Variants in TGM4 observed in about 807,000 individuals in gnomAD.
The protein encoded by TGM4 is protein-glutamine gamma-glutamyltransferase 4.
A neutral mutation model predicts 76.3 loss-of-function variants in TGM4; 61 were observed. The ratio of observed to expected loss-of-function variants is 0.80; its 90% CI spans 0.65 to 0.99. The LOEUF (loss-of-function observed/expected upper bound fraction) is 0.99. Ranked by LOEUF, TGM4 falls within the 50% of genes least tolerant of loss-of-function variation. The probability of loss-of-function intolerance (pLI) is 0.00; values close to 1 mark genes in which losing one functional copy is unlikely to be tolerated. For missense variants in TGM4, 794 were observed against 843.2 expected (o/e 0.94, Z 0.72); for synonymous variants, 337 against 329.8 (o/e 1.02, Z -0.24).
intron 1 of TGM4, among the ~76,000 whole-genome samples, chr3:44,877,363 G>A (rs1400824873): frequency 1.3e-5 from 2 of 152,112 alleles, no homozygotes; most frequent in Non-Finnish European, 2.9e-5. Context: ...CATGAGAATT[G>A]CTTGAACCTG....
At chr3:44,883,981 C>A (rs1019990568) in intron 1 of TGM4, among the ~76,000 whole-genome samples, 1 of 152,152 alleles carries the variant, frequency 6.6e-6, no homozygotes, top group South Asian at 2.1e-4. Context: ...CAGGCCACAG[C>A]GGGGCTTCCT....
chr3:44,891,512 T>TACACAC (rs9311363), intron 4 of TGM4, among the ~76,000 whole-genome samples: 4 of 148,020 alleles, frequency 2.7e-5, no homozygotes, highest in African/African-American at 7.5e-5. Context: ...CTCCCTCCTC[T>TACACAC]ACACACACAC....
intron 2 of TGM4, 75 bp from the exon 3 acceptor site, chr3:44,887,614 G>C: frequency 7.2e-7 from 1 of 1,392,494 alleles, no homozygotes; most frequent in Non-Finnish European, 9.9e-7. Context: ...TGGGCAGTAG[G>C]TGGGCCCGAA....
chr3:44,912,626 G>C (rs1038672700), intron 13 of TGM4, among the ~76,000 whole-genome samples: 1 of 152,052 alleles, frequency 6.6e-6, no homozygotes, highest in African/African-American at 2.4e-5. Flanking sequence ...TTTTAAAACA[G>C]CTGGGATTTA....
At position 44,913,633 on chromosome 3, in the gene TGM4, A is replaced by G. The variant is rs776344578; in HGVS notation, c.1963A>G (p.Ile655Val). Residue 655 changes from isoleucine (I) to valine (V), a missense_variant, in exon 14 of 14, where the codon ATA becomes GTA. Coordinates refer to ENST00000296125, the MANE Select transcript of TGM4 (RefSeq NM_003241.4). Reference sequence around the variant, plus strand: ...CCAATCCCAAATAAAATGCACCCCAATAAAAACTGGACCCAAGAAATTTAT... The same window carrying G: ...CCAATCCCAAATAAAATGCACCCCAGTAAAAACTGGACCCAAGAAATTTAT... ...TIQSQIKCTP[I>V]KTGPKKFIVK... 5.6e-6 allele frequency: 9 copies of G among 1,614,136 alleles called. No homozygotes were observed. In the African/African-American group the frequency reaches 9.3e-5, roughly 17 times the overall value.
At position 44,890,648 on chromosome 3, in the gene TGM4, T is replaced by C. The variant is rs1699679220; in HGVS notation, c.346T>C (p.Tyr116His). The change falls in exon 4 of 14, where the codon TAC (tyrosine) becomes CAC (histidine). Residue 116 changes from tyrosine to histidine, a missense_variant. Coordinates refer to ENST00000296125, the MANE Select transcript of TGM4 (RefSeq NM_003241.4). ...TSSPNAILGK[Y>H]QLNVKTGNHI... ...TTCCCCCAATGCCATCCTGGGCAAG[T>C]ACCAACTAAACGTGAAAACTGGAAA... 1 of 1,614,068 alleles carries C rather than the reference T, an allele frequency of 6.2e-7. No homozygotes were observed. The highest frequency in any genetic ancestry group is 1.3e-5 in the African/African-American group (1 of 74,932).
intron 2 of TGM4, among the ~76,000 whole-genome samples, chr3:44,886,992 T>C (rs12634217): frequency 0.11 from 16,791 of 152,236 alleles, 1,029 homozygotes; most frequent in South Asian, 0.18. Context: ...CGTCCCACCA[T>C]GTGAAGAGCT....
At chr3:44,904,181 A>G (rs1699893642) in intron 9 of TGM4, among the ~76,000 whole-genome samples, 194 bp downstream of exon 9, 1 of 152,234 alleles carries the variant, frequency 6.6e-6, no homozygotes, top group South Asian at 2.1e-4. Context: ...ATTTTTATGA[A>G]GATAATGCCA....
intron 1 of TGM4, among the ~76,000 whole-genome samples, chr3:44,883,390 G>A (rs560784336): frequency 1.2e-4 from 18 of 152,248 alleles, no homozygotes; most frequent in Non-Finnish European, 2.2e-4. Flanking sequence ...GTCCTCTCTC[G>A]CCCTCTGCCT....
At chr3:44,895,267 C>T (rs1475442772) in intron 5 of TGM4, among the ~76,000 whole-genome samples, 1 of 152,084 alleles carries the variant, frequency 6.6e-6, no homozygotes, top group Non-Finnish European at 1.5e-5. Context: ...TGTACTCCAG[C>T]CTGAGCGACA....
intron 1 of TGM4, 111 bp from the exon 2 acceptor site, chr3:44,885,214 C>T (rs981757256): frequency 3.4e-5 from 41 of 1,188,480 alleles, no homozygotes; most frequent in Non-Finnish European, 4.4e-5. Flanking sequence ...ATGCCCGACT[C>T]TAAAGCCCAG....
chr3:44,890,114 A>C lies in TGM4; in HGVS notation c.301-489A>C, dbSNP rs11928928. 1.3e-3 allele frequency among the ~76,000 whole-genome samples: 196 copies of C among 152,278 alleles called. 1 individual carries two copies. Among genetic ancestry groups the C allele is most frequent in the African/African-American group, 4.5e-3 (187 of 41,546 alleles). Reference sequence around the variant, plus strand: ...TGAGCACTCACTGACTATCATGAGAACAGCATGGGGGAAACTGCCCCCATG... The same window carrying C: ...TGAGCACTCACTGACTATCATGAGACCAGCATGGGGGAAACTGCCCCCATG... On this transcript the variant is annotated intron_variant, in intron 3 of 13. Coordinates refer to ENST00000296125, the MANE Select transcript of TGM4 (RefSeq NM_003241.4).
chr3:44,886,989 C>A (rs1472002390), intron 2 of TGM4, among the ~76,000 whole-genome samples: 1 of 152,260 alleles, frequency 6.6e-6, no homozygotes, highest in Non-Finnish European at 1.5e-5. Flanking sequence ...CCACGTCCCA[C>A]CATGTGAAGA....
intron 2 of TGM4, 72 bp from the exon 3 acceptor site, chr3:44,887,617 G>T (rs1699625985): frequency 2.1e-6 from 3 of 1,422,238 alleles, no homozygotes; most frequent in Non-Finnish European, 2.9e-6. Context: ...GCAGTAGGTG[G>T]GCCCGAACCA....
chr3:44,887,735 G>A lies in TGM4; in HGVS notation c.240G>A (p.Pro80=), dbSNP rs764569291. Residue 80 remains proline, a synonymous_variant, in exon 3 of 14, where the codon CCG becomes CCA. Coordinates refer to ENST00000296125, the MANE Select transcript of TGM4 (RefSeq NM_003241.4). ...IAKHTLVVLD[P]RTPSDHYNWQ... ...AACACACCCTGGTGGTGCTCGACCC[G>A]AGGACGCCCTCAGACCACTACAACT... The A allele has an allele frequency of 1.5e-5, 25 of 1,614,058 alleles. 1 individual carries two copies. The highest frequency in any genetic ancestry group is 2.2e-5 in the East Asian group (1 of 44,890).
At chr3:44,898,394 T>C (rs1699809417) in intron 6 of TGM4, among the ~76,000 whole-genome samples, 1 of 152,170 alleles carries the variant, frequency 6.6e-6, no homozygotes, top group Non-Finnish European at 1.5e-5. Context: ...TAAAGTTGGT[T>C]GCAATGTGGA....
chr3:44,876,661 T>G (rs1305114351), intron 1 of TGM4, among the ~76,000 whole-genome samples: 1 of 151,810 alleles, frequency 6.6e-6, no homozygotes, highest in Non-Finnish European at 1.5e-5. Context: ...GAAGGCAATA[T>G]GAAAAATAAT....
chr3:44,881,597 G>GT (rs1289410525), intron 1 of TGM4, among the ~76,000 whole-genome samples: 2 of 152,066 alleles, frequency 1.3e-5, no homozygotes, highest in African/African-American at 4.8e-5. Context: ...TCTTAAGTGC[G>GT]TTTTTTCTTG....
Position 44,885,308 on chromosome 3 carries a change from T to A in TGM4, c.20-17T>A. Reference sequence around the variant, plus strand: ...ATTCTCTGTGCTCTCTTTCCACATGTGCTGCGTTGCTGACAGAGCTGCAAG... The same window carrying A: ...ATTCTCTGTGCTCTCTTTCCACATGAGCTGCGTTGCTGACAGAGCTGCAAG... On this transcript the variant is annotated splice_polypyrimidine_tract_variant and intron_variant, in intron 1 of 13. Coordinates refer to ENST00000296125, the MANE Select transcript of TGM4 (RefSeq NM_003241.4). 6.3e-7 allele frequency: 1 copy of A among 1,595,450 alleles called. No individual in the cohort carries two copies. Among genetic ancestry groups the A allele is most frequent in the East Asian group, 2.3e-5 (1 of 44,418 alleles).
Sources: allele counts gnomAD v4.1 joint callset (sites outside exome capture counted in the v4.1 genomes callset), GRCh38; gene constraint gnomAD v4.1.1; transcripts MANE v1.5; gene names NCBI Gene and HGNC (gene_info 2026-07-23, HGNC 2026-07-21).